Variants in UGGT2 observed in about 807,000 individuals in gnomAD.
The protein encoded by UGGT2 is UDP-glucose:glycoprotein glucosyltransferase 2.
Under a neutral mutation model 192.1 loss-of-function variants are expected in UGGT2, and 180 were observed. The observed-to-expected ratio is 0.94, with a 90% CI of 0.83 to 1.06. The LOEUF is 1.06. Among genes scored for constraint, UGGT2 ranks in the 50% least tolerant of loss-of-function variants. The pLI, the probability that UGGT2 is intolerant of heterozygous loss-of-function variation, is 0.00. For missense variants in UGGT2, 1,849 were observed against 1,795.7 expected (o/e 1.03, Z -0.54); for synonymous variants, 580 against 591.0 (o/e 0.98, Z 0.27).
chr13:95,875,152 T>C (rs1393904028), intron 29 of UGGT2, among the ~76,000 whole-genome samples: 2 of 152,246 alleles, frequency 1.3e-5, no homozygotes, highest in African/African-American at 2.4e-5. Context: ...TTAATAGATA[T>C]GTGGCATATC....
At chr13:95,867,619 C>A (rs1233688112) in intron 29 of UGGT2, among the ~76,000 whole-genome samples, 196 bp from the exon 30 acceptor site, 1 of 152,082 alleles carries the variant, frequency 6.6e-6, no homozygotes. Context: ...TAAATTTTAA[C>A]TCAGTACACA....
At chr13:95,850,663 A>G (rs1049029711) in intron 36 of UGGT2, among the ~76,000 whole-genome samples, 1 of 152,226 alleles carries the variant, frequency 6.6e-6, no homozygotes, top group African/African-American at 2.4e-5. Context: ...CAGCAGAGGT[A>G]AACACTGAGC....
At chr13:95,912,901 T>C (rs2048550451) in intron 20 of UGGT2, among the ~76,000 whole-genome samples, 2 of 152,108 alleles carry the variant, frequency 1.3e-5, no homozygotes, top group Non-Finnish European at 2.9e-5. Context: ...TATAGACCAA[T>C]GGAACAGAAC....
chr13:95,925,028 T>G lies in UGGT2; in HGVS notation c.2295+652A>C, dbSNP rs548417685. 2.6e-5 allele frequency among the ~76,000 whole-genome samples: 4 copies of G among 152,348 alleles called. No homozygotes were observed. In the South Asian group the frequency reaches 8.3e-4, roughly 32 times the overall value. Reference sequence around the variant, plus strand: ...CTGTTTACCACCAAGTGGTAATTTGTTATACAGCAATAAATTTATACTTAG... The same window carrying G: ...CTGTTTACCACCAAGTGGTAATTTGGTATACAGCAATAAATTTATACTTAG... On this transcript the variant is annotated intron_variant, in intron 20 of 38. Transcript: ENST00000376747.
chr13:95,978,593 T>G (rs574109), intron 10 of UGGT2, among the ~76,000 whole-genome samples: 10 of 152,164 alleles, frequency 6.6e-5, no homozygotes, highest in Non-Finnish European at 1.2e-4. Flanking sequence ...CTCAAGAAAT[T>G]TTTGCATAGA....
At chr13:95,828,240 C>A (rs1387773143) in intron 38 of UGGT2, among the ~76,000 whole-genome samples, 3 of 152,046 alleles carry the variant, frequency 2.0e-5, no homozygotes, top group Non-Finnish European at 4.4e-5. Context: ...AATTGATACC[C>A]TAACATCACA....
chr13:95,886,518 T>C (rs965755723), intron 26 of UGGT2, among the ~76,000 whole-genome samples: 2 of 152,232 alleles, frequency 1.3e-5, no homozygotes, highest in Non-Finnish European at 2.9e-5. Context: ...TCTGTACTTA[T>C]GGAACTAACA....
chr13:95,845,899 G>A (rs1300873704), intron 36 of UGGT2, among the ~76,000 whole-genome samples: 2 of 151,976 alleles, frequency 1.3e-5, no homozygotes, highest in Non-Finnish European at 2.9e-5. Context: ...TCACTTCCTA[G>A]ACGGGATGAG....
intron 12 of UGGT2, among the ~76,000 whole-genome samples, chr13:95,966,635 C>A (rs2050588174): frequency 6.6e-6 from 1 of 152,092 alleles, no homozygotes; most frequent in Admixed American, 6.5e-5. Flanking sequence ...TCATTACACA[C>A]CTTACATACA....
chr13:95,875,110 A>G (rs1235197882), intron 29 of UGGT2, among the ~76,000 whole-genome samples: 5 of 152,198 alleles, frequency 3.3e-5, no homozygotes, highest in Non-Finnish European at 7.4e-5. Context: ...CCAACACTTG[A>G]TATCGTCATT....
chr13:95,898,523 T>C (rs2048012860), intron 22 of UGGT2, among the ~76,000 whole-genome samples: 1 of 152,154 alleles, frequency 6.6e-6, no homozygotes, highest in Non-Finnish European at 1.5e-5. Flanking sequence ...TCACCTTCTT[T>C]GGTTCTTTGC....
At position 95,927,066 on chromosome 13, in the gene UGGT2, G is replaced by A. The variant is rs767080551; in HGVS notation, c.2162C>T (p.Ala721Val). ...ATAATACATGTTCTTTGCAATTACA[G>A]CACTCTTATCTTGTGAATCCAAGAA... is the stretch of plus-strand genomic sequence containing the variant. Reference protein sequence around the residue: ...FFFLDSQDKSAVIAKNMYYLT... With the variant: ...FFFLDSQDKSVVIAKNMYYLT... Residue 721 changes from alanine to valine, a missense_variant, in exon 19 of 39, where the codon GCT (alanine) becomes GTT (valine). Ala to Val is a moderately conservative substitution (Grantham distance 64, BLOSUM62 0). Coordinates refer to ENST00000376747, the MANE Select transcript of UGGT2 (RefSeq NM_020121.4). The A allele has an allele frequency of 2.5e-6, 4 of 1,610,856 alleles. No individual in the cohort carries two copies. The South Asian group carries it at 3.3e-5, about 13-fold the overall frequency.
chr13:95,868,376 G>A (rs976724914), intron 29 of UGGT2, among the ~76,000 whole-genome samples: 6 of 151,882 alleles, frequency 4.0e-5, no homozygotes, highest in Non-Finnish European at 1.5e-5. Context: ...TGGGAGAATC[G>A]CTTGAGTCTA....
intron 32 of UGGT2, among the ~76,000 whole-genome samples, chr13:95,860,305 T>C (rs1467153140): frequency 6.7e-6 from 1 of 148,790 alleles, no homozygotes; most frequent in Non-Finnish European, 1.5e-5. Flanking sequence ...CTATAGTAAA[T>C]TATATATATA....
intron 38 of UGGT2, among the ~76,000 whole-genome samples, chr13:95,803,448 C>T (rs557518659): frequency 1.3e-5 from 2 of 152,098 alleles, no homozygotes; most frequent in East Asian, 2.0e-4. Flanking sequence ...TTAGTAGAGA[C>T]GGAGTTTCTC....
intron 7 of UGGT2, among the ~76,000 whole-genome samples, chr13:95,992,081 T>G (rs1338211579): frequency 1.3e-5 from 2 of 152,122 alleles, no homozygotes; most frequent in Non-Finnish European, 2.9e-5. Flanking sequence ...GAGAATTGCT[T>G]GAACCCGGGA....
intron 12 of UGGT2, among the ~76,000 whole-genome samples, chr13:95,955,781 C>T (rs544787790): frequency 1.0e-3 from 159 of 152,238 alleles, no homozygotes; most frequent in Non-Finnish European, 2.1e-3. Context: ...GTGCATACTT[C>T]TTCATTTTAA....
chr13:95,819,956 A>C (rs1885332144), intron 38 of UGGT2, among the ~76,000 whole-genome samples: 1 of 152,164 alleles, frequency 6.6e-6, no homozygotes. Flanking sequence ...CCAGGAGTTT[A>C]AGACCAGCTT....
At chr13:95,817,289 A>G (rs531188136) in intron 38 of UGGT2, among the ~76,000 whole-genome samples, 9 of 152,304 alleles carry the variant, frequency 5.9e-5, no homozygotes, top group South Asian at 4.1e-4. Context: ...ATTTATACTC[A>G]GATTAAAAGG....
Sources: allele counts gnomAD v4.1 joint callset (sites outside exome capture counted in the v4.1 genomes callset), GRCh38; gene constraint gnomAD v4.1.1; transcripts MANE v1.5; gene names NCBI Gene and HGNC (gene_info 2026-07-23, HGNC 2026-07-21).